The following HYDIN variants were observed in gnomAD, a reference collection of about 807,000 sequenced individuals.
The protein encoded by HYDIN is HYDIN axonemal central pair apparatus protein, also known as axonemal central pair apparatus protein HYDIN.
In HYDIN, 132 loss-of-function variants were observed where a neutral mutation model predicts 403.9. The ratio of observed to expected loss-of-function variants is 0.33; its 90% CI spans 0.28 to 0.38. The LOEUF is 0.38. Ranked by LOEUF, HYDIN falls within the 10% of genes least tolerant of loss-of-function variation. The pLI is 1.00. For synonymous variants in HYDIN, 1,202 were observed against 1,891.7 expected (o/e 0.64, Z 9.46); for missense variants, 2,827 against 5,009.5 (o/e 0.56, Z 13.15).
At chr16:71,179,108 A>G (rs1436000720) in intron 3 of HYDIN, 61 bp from the exon 4 acceptor site, 2 of 1,384,392 alleles carry the variant, frequency 1.4e-6, no homozygotes, top group Non-Finnish European at 2.0e-6. Flanking sequence ...ACTGGGGAAG[A>G]TAAGAAAATA....
chr16:71,094,506 C>T (rs372248107), intron 10 of HYDIN, among the ~76,000 whole-genome samples: 175 of 151,892 alleles, frequency 1.2e-3, no homozygotes, highest in African/African-American at 3.9e-3. Flanking sequence ...CAACTTAAGT[C>T]TTTTGAGAAG....
chr16:71,036,206 G>A (rs1214208300), intron 18 of HYDIN, among the ~76,000 whole-genome samples: 4 of 151,682 alleles, frequency 2.6e-5, no homozygotes, highest in Admixed American at 2.0e-4. Flanking sequence ...GGGAACTGCA[G>A]GCTTAGAGTT....
chr16:70,876,023 T>G lies in HYDIN; in HGVS notation c.10558-1104A>C, dbSNP rs1310259517. 2.6e-5 allele frequency among the ~76,000 whole-genome samples: 4 copies of G among 152,230 alleles called. No individual in the cohort carries two copies. In the East Asian group the frequency reaches 7.7e-4, roughly 29 times the overall value. On this transcript the variant is annotated intron_variant, in intron 62 of 85. Coordinates refer to ENST00000393567, the MANE Select transcript of HYDIN (RefSeq NM_001270974.2). The stretch of plus-strand genomic sequence containing the variant: ...GACTAAATATATATAAAAAAATTTT[T>G]TTTAAAGCATAACAGAGCTACGAAG...
intron 75 of HYDIN, among the ~76,000 whole-genome samples, chr16:70,848,165 TG>T (rs1173000485): frequency 7.0e-6 from 1 of 142,134 alleles, no homozygotes; most frequent in East Asian, 2.0e-4. Context: ...AACTCCAAAA[TG>T]TATATTTTTA....
At position 70,808,026 on chromosome 16, in the gene HYDIN, T is replaced by A. The variant is rs2035208472; in HGVS notation, c.14920A>T (p.Asn4974Tyr). The A allele has an allele frequency of 6.2e-7, 1 of 1,613,228 alleles. No individual in the cohort carries two copies. The highest frequency in any genetic ancestry group is 1.3e-5 in the African/African-American group (1 of 74,812). The change falls in exon 86 of 86, where the codon AAT becomes TAT. Residue 4974 changes from asparagine to tyrosine, a missense_variant. Physicochemically the swap from Asn to Tyr is moderately radical, Grantham distance 143 (BLOSUM62 -2). Coordinates refer to ENST00000393567, the MANE Select transcript of HYDIN (RefSeq NM_001270974.2). ...CTDFHAEKLI[N>Y]AAPGGQGGTE... ...CCTCCCTGGCCTCCTGGGGCTGCAT[T>A]AATGAGTTTTTCTGCGTGGAAGTCT...
chr16:71,135,115 G>A (rs1285399080), intron 8 of HYDIN, among the ~76,000 whole-genome samples: 3 of 151,888 alleles, frequency 2.0e-5, no homozygotes, highest in Admixed American at 6.6e-5. Flanking sequence ...CATGATTCTA[G>A]ATGATAAAAT....
chr16:71,163,430 C>A (rs1327393249), intron 5 of HYDIN, among the ~76,000 whole-genome samples: 1 of 152,082 alleles, frequency 6.6e-6, no homozygotes, highest in African/African-American at 2.4e-5. Context: ...GCCGATGTTT[C>A]TAACTAATGG....
intron 54 of HYDIN, 99 bp from the exon 55 acceptor site, chr16:70,894,647 A>C: frequency 1.4e-6 from 1 of 712,854 alleles, no homozygotes; most frequent in East Asian, 2.8e-5. Flanking sequence ...ACGCATGGTG[A>C]CAGTTTAAGA....
chr16:70,917,242 G>C (rs1444452449), intron 47 of HYDIN, among the ~76,000 whole-genome samples: 1 of 152,216 alleles, frequency 6.6e-6, no homozygotes, highest in Non-Finnish European at 1.5e-5. Flanking sequence ...CACAATAAGG[G>C]GTTGATGGAA....
intron 1 of HYDIN, among the ~76,000 whole-genome samples, chr16:71,226,584 C>T (rs754269466): frequency 1.4e-4 from 22 of 152,146 alleles, no homozygotes; most frequent in Non-Finnish European, 2.8e-4. Flanking sequence ...TAGACTTCAT[C>T]AAAACTTTTG....
rs1567799059 is a variant in HYDIN, at chr16:70,902,808, TA to T, written c.8849+816del. Among the ~76,000 whole-genome samples, 3 of 25,634 alleles carry T rather than the reference TA, an allele frequency of 1.2e-4. 1 individual carries two copies. The highest frequency in any genetic ancestry group is 4.7e-4 in the African/African-American group (3 of 6,328). 16.8% of individuals were successfully genotyped at this position (25,634 alleles called of 152,430 possible). ...TCTACTCTTTAAATATATATATATA[TA>T]TATATATATATATTTTTTTTTTTTT... is the stretch of plus-strand genomic sequence containing the variant. On this transcript the variant is annotated intron_variant, in intron 52 of 85. Transcript: ENST00000393567.
chr16:70,992,496 T>C (rs2079390141), intron 23 of HYDIN, among the ~76,000 whole-genome samples: 1 of 144,510 alleles, frequency 6.9e-6, no homozygotes, highest in Admixed American at 7.0e-5. Flanking sequence ...TTACCATCCC[T>C]GTTAGATGTG....
At chr16:71,199,351 T>C (rs545642078) in intron 1 of HYDIN, among the ~76,000 whole-genome samples, 1 of 152,344 alleles carries the variant, frequency 6.6e-6, no homozygotes, top group Non-Finnish European at 1.5e-5. Context: ...AAGCAGCCCT[T>C]TGAAATAGAA....
intron 12 of HYDIN, among the ~76,000 whole-genome samples, chr16:71,084,473 G>A (rs11075852): frequency 6.6e-6 from 1 of 151,142 alleles, no homozygotes; most frequent in African/African-American, 2.4e-5. Flanking sequence ...TGCAATCTCC[G>A]CCTCCTGGGT....
At chr16:70,943,135 C>A (rs1322998008) in intron 42 of HYDIN, among the ~76,000 whole-genome samples, 2 of 152,114 alleles carry the variant, frequency 1.3e-5, no homozygotes, top group Admixed American at 6.6e-5. Flanking sequence ...GCTGTGTCTG[C>A]AAACCATGAG....
intron 5 of HYDIN, among the ~76,000 whole-genome samples, chr16:71,171,362 A>AC (rs1255477990): frequency 4.6e-5 from 7 of 151,926 alleles, no homozygotes; most frequent in African/African-American, 1.7e-4. Context: ...ATCATTCCCT[A>AC]CCCCCTACTA....
intron 6 of HYDIN, among the ~76,000 whole-genome samples, chr16:71,161,500 T>C (rs1420074157): frequency 6.6e-6 from 1 of 152,146 alleles, no homozygotes; most frequent in Non-Finnish European, 1.5e-5. Flanking sequence ...AAAATCCAGC[T>C]CTATCACTTA....
In HYDIN at chr16:71,019,680, T is replaced by C. The variant is rs562998990; in HGVS notation, c.3330+494A>G. Among the ~76,000 whole-genome samples, 32 of 152,374 alleles carry C rather than the reference T, an allele frequency of 2.1e-4. No individual in the cohort carries two copies. In the South Asian group the frequency reaches 6.0e-3, roughly 29 times the overall value. Reference sequence around the variant, plus strand: ...AGAAATGATACAAAAATTTACATTATATATAAAAGCACAAAGAAGAAACGA... The same window carrying C: ...AGAAATGATACAAAAATTTACATTACATATAAAAGCACAAAGAAGAAACGA... On this transcript the variant is annotated intron_variant, in intron 22 of 85. Coordinates refer to ENST00000393567, the MANE Select transcript of HYDIN (RefSeq NM_001270974.2).
Position 70,964,724 on chromosome 16 carries a change from T to C in HYDIN, c.5788+4A>G, listed in dbSNP as rs1226036608. ...ATGAGGTGTTCTCCACATTGAGTTC[T>C]CACCATTCTCCTGTGCCAGATTCTC... On this transcript the variant is annotated splice_donor_region_variant and intron_variant, in intron 37 of 85. Coordinates refer to ENST00000393567, the MANE Select transcript of HYDIN (RefSeq NM_001270974.2). 3 of 1,612,076 alleles carry C rather than the reference T, an allele frequency of 1.9e-6. No individual in the cohort carries two copies. The highest frequency in any genetic ancestry group is 1.7e-5 in the Admixed American group (1 of 59,992).
Sources: allele counts gnomAD v4.1 joint callset (sites outside exome capture counted in the v4.1 genomes callset), GRCh38; gene constraint gnomAD v4.1.1; transcripts MANE v1.5; gene names NCBI Gene and HGNC (gene_info 2026-07-23, HGNC 2026-07-21).